PADI6: variants seen among roughly 807,000 people sequenced by gnomAD.
PADI6 encodes the protein peptidyl arginine deiminase 6.
PADI6 carries 66 observed loss-of-function variants against 78.2 expected under a neutral mutation model. That is an observed-to-expected ratio of 0.84 (90% CI 0.69 to 1.04). The LOEUF is 1.04. Ranked by LOEUF, PADI6 falls within the 50% of genes least tolerant of loss-of-function variation. The pLI, the probability that PADI6 is intolerant of heterozygous loss-of-function variation, is 0.00. For missense variants in PADI6, 854 were observed against 866.1 expected (o/e 0.99, Z 0.18); for synonymous variants, 397 against 346.9 (o/e 1.14, Z -1.60).
chr1:17,398,031 C>CT (rs1441838484), intron 14 of PADI6, among the ~76,000 whole-genome samples: 2 of 152,192 alleles, frequency 1.3e-5, no homozygotes, highest in Admixed American at 1.3e-4. Context: ...GAATCATTGG[C>CT]TATAAGAAGC....
chr1:17,393,950 C>T (rs745525036), intron 9 of PADI6, 25 bp from the exon 10 acceptor site: 2 of 1,600,548 alleles, frequency 1.2e-6, no homozygotes, highest in South Asian at 2.2e-5. Flanking sequence ...GACTGGCAAA[C>T]AATCTGTCTT....
At chr1:17,379,190 G>T (rs2075048570) in intron 3 of PADI6, among the ~76,000 whole-genome samples, 1 of 137,482 alleles carries the variant, frequency 7.3e-6, no homozygotes, top group Non-Finnish European at 1.5e-5. Context: ...TCGGCTCACT[G>T]CAGGCTCCGC....
intron 4 of PADI6, among the ~76,000 whole-genome samples, chr1:17,380,641 G>A (rs1053336239): frequency 6.6e-6 from 1 of 151,982 alleles, no homozygotes; most frequent in Non-Finnish European, 1.5e-5. Flanking sequence ...GAAGTACTGG[G>A]ATCAGAACTG....
chr1:17,400,528 G>A (rs1363562754), intron 15 of PADI6, among the ~76,000 whole-genome samples: 1 of 152,144 alleles, frequency 6.6e-6, no homozygotes, highest in East Asian at 1.9e-4. Context: ...GTTTGTTTTT[G>A]TTTTTTAAAT....
chr1:17,399,774 A>G (rs1385986768), intron 15 of PADI6, among the ~76,000 whole-genome samples: 1 of 151,732 alleles, frequency 6.6e-6, no homozygotes, highest in East Asian at 1.9e-4. Context: ...GCAGTGGCTC[A>G]TGCCCGTAAT....
In PADI6 at chr1:17,390,602, CA is replaced by C. The variant is rs11410245; in HGVS notation, c.963-1499del. 6.4e-3 allele frequency among the ~76,000 whole-genome samples: 865 copies of C among 134,890 alleles called. 8 individuals carry two copies. The highest frequency in any genetic ancestry group is 0.02 in the African/African-American group (730 of 36,366). 88.5% of individuals were successfully genotyped at this position (134,890 alleles called of 152,430 possible). ...CTGGGTGACAGATAAGATTCCATCTCAAAAAAAAAAAAAGACTTCTACCCCT... is the reference window on the plus strand; with the variant it reads ...CTGGGTGACAGATAAGATTCCATCTCAAAAAAAAAAAAGACTTCTACCCCT... On this transcript the variant is annotated intron_variant, in intron 8 of 15. Transcript: ENST00000619609.
Position 17,397,076 on chromosome 1 carries a change from G to A in PADI6, c.1624G>A (p.Glu542Lys), listed in dbSNP as rs1488833002. The change falls in exon 14 of 16, where the codon GAA becomes AAA. Residue 542 changes from glutamate (E) to lysine (K), a missense_variant. Physicochemically the swap from Glu to Lys is moderately conservative, Grantham distance 56. Transcript: ENST00000619609. ...CTGCCCGCTTCTTCCTACAGGAAGGGAAGCCAAAACCATCGACCAACTTCT... is the reference window on the plus strand; with the variant it reads ...CTGCCCGCTTCTTCCTACAGGAAGGAAAGCCAAAACCATCGACCAACTTCT... ...RADQLLSNGR[E>K]AKTIDQLLAD... 1 of 1,613,766 alleles carries A rather than the reference G, an allele frequency of 6.2e-7. No homozygotes were observed. The highest frequency in any genetic ancestry group is 1.7e-5 in the Admixed American group (1 of 60,014).
chr1:17,390,237 G>A (rs1430968782), intron 8 of PADI6, among the ~76,000 whole-genome samples: 6 of 152,016 alleles, frequency 3.9e-5, no homozygotes, highest in Non-Finnish European at 8.8e-5. Context: ...GGAGACAGAG[G>A]TTGCAGTGAG....
At chr1:17,383,248 T>C (rs568935768) in intron 6 of PADI6, among the ~76,000 whole-genome samples, 23 of 152,280 alleles carry the variant, frequency 1.5e-4, no homozygotes, top group Admixed American at 1.3e-3. Context: ...CTTGGCTCAG[T>C]CTCCTACTCC....
chr1:17,388,819 C>A lies in PADI6; in HGVS notation c.901C>A (p.Arg301=). ...TVLYKDTVVF[R]VAPCVFIPCT... is the part of the protein sequence containing the mutation. ...GCTGTACAAAGACACGGTGGTGTTCCGGGTGGCTCCCTGTGTCTTCATTCC... is the reference window on the plus strand; with the variant it reads ...GCTGTACAAAGACACGGTGGTGTTCAGGGTGGCTCCCTGTGTCTTCATTCC... Residue 301 remains arginine (R), a synonymous_variant, in exon 8 of 16, where the codon CGG becomes AGG. Coordinates refer to ENST00000619609, the MANE Select transcript of PADI6 (RefSeq NM_207421.4). 1 of 1,613,764 alleles carries A rather than the reference C, an allele frequency of 6.2e-7. No individual in the cohort carries two copies. The highest frequency in any genetic ancestry group is 1.3e-5 in the African/African-American group (1 of 75,032).
chr1:17,388,451 G>A lies in PADI6; in HGVS notation c.750G>A (p.Gly250=), dbSNP rs1365426220. ...ACGCCTATACCTTGGCCCTCCTCGG[G>A]AACCACTTGAAGGAGACTTTCTACG... is the stretch of plus-strand genomic sequence containing the variant. ...DQHAYTLALL[G]NHLKETFYVE... The change falls in exon 7 of 16, where the codon GGG becomes GGA. Residue 250 remains glycine (G), a synonymous_variant. Coordinates refer to ENST00000619609, the MANE Select transcript of PADI6 (RefSeq NM_207421.4). The A allele has an allele frequency of 6.2e-7, 1 of 1,613,808 alleles. No individual in the cohort carries two copies. Among genetic ancestry groups the A allele is most frequent in the Admixed American group, 1.7e-5 (1 of 60,004 alleles).
intron 8 of PADI6, among the ~76,000 whole-genome samples, chr1:17,391,791 G>T (rs920688504): frequency 3.3e-5 from 5 of 152,200 alleles, no homozygotes; most frequent in Non-Finnish European, 7.3e-5. Context: ...CTCCAGCCTG[G>T]GTGACAGAAC....
In PADI6 at chr1:17,389,125, T is replaced by G. The variant is rs2075157219; in HGVS notation, c.962+245T>G. On this transcript the variant is annotated intron_variant, in intron 8 of 15. Coordinates refer to ENST00000619609, the MANE Select transcript of PADI6 (RefSeq NM_207421.4). Reference sequence around the variant, plus strand: ...TATGTGAGGGCCAAACGGCATGGTTTTAAACAGTACCAAGTGCTCTAAAGC... The same window carrying G: ...TATGTGAGGGCCAAACGGCATGGTTGTAAACAGTACCAAGTGCTCTAAAGC... Among the ~76,000 whole-genome samples the G allele has an allele frequency of 1.3e-5, 2 of 152,150 alleles. 1 individual carries two copies. Among genetic ancestry groups the G allele is most frequent in the South Asian group, 4.1e-4 (2 of 4,824 alleles).
chr1:17,401,079 T>C (rs1281762876), intron 15 of PADI6, 126 bp from the exon 16 acceptor site: 2 of 768,136 alleles, frequency 2.6e-6, no homozygotes, highest in Non-Finnish European at 2.1e-6. Flanking sequence ...GAGCTGGGTT[T>C]CACTGACCTG....
intron 3 of PADI6, among the ~76,000 whole-genome samples, chr1:17,379,403 C>T (rs569231294): frequency 1.3e-5 from 2 of 152,060 alleles, no homozygotes; most frequent in Admixed American, 6.5e-5. Context: ...CGTGAGCCAT[C>T]GCGCCCGGCC....
rs543762628 is a variant in PADI6, at chr1:17,372,635, C to T, written c.116+274C>T. ...TCCCCTATCTGTGAAACCATGGGGA[C>T]GCTGGCCTCGGGGGGCTGTGAGGAG... On this transcript the variant is annotated intron_variant, in intron 1 of 15. Coordinates refer to ENST00000619609, the MANE Select transcript of PADI6 (RefSeq NM_207421.4). Among the ~76,000 whole-genome samples, 3 of 152,248 alleles carry T rather than the reference C, an allele frequency of 2.0e-5. No homozygotes were observed. In the East Asian group the frequency reaches 5.8e-4, roughly 29 times the overall value.
At chr1:17,383,384 G>T (rs1203011293) in intron 6 of PADI6, among the ~76,000 whole-genome samples, 2 of 152,212 alleles carry the variant, frequency 1.3e-5, no homozygotes, top group African/African-American at 2.4e-5. Flanking sequence ...AAACCCAGGG[G>T]TCTAGGTCTG....
intron 9 of PADI6, among the ~76,000 whole-genome samples, chr1:17,393,326 A>G (rs2075209975): frequency 2.0e-5 from 3 of 152,176 alleles, no homozygotes; most frequent in Non-Finnish European, 4.4e-5. Flanking sequence ...TCAGGTTTTC[A>G]AAAGACCCCT....
chr1:17,375,029 T>C (rs934393356), intron 2 of PADI6, among the ~76,000 whole-genome samples: 2 of 151,902 alleles, frequency 1.3e-5, no homozygotes, highest in African/African-American at 4.8e-5. Context: ...CCTTATGGAG[T>C]AGGACATGGG....
Sources: allele counts gnomAD v4.1 joint callset (sites outside exome capture counted in the v4.1 genomes callset), GRCh38; gene constraint gnomAD v4.1.1; transcripts MANE v1.5; gene names NCBI Gene and HGNC (gene_info 2026-07-23, HGNC 2026-07-21).